Variants in PSMC3IP observed in about 807,000 individuals in gnomAD.
The protein encoded by PSMC3IP is homologous-pairing protein 2 homolog.
A neutral mutation model predicts 34.9 loss-of-function variants in PSMC3IP; 26 were observed. The observed-to-expected ratio is 0.74, with a 90% CI of 0.55 to 1.03. PSMC3IP has a LOEUF of 1.03. Among genes scored for constraint, PSMC3IP ranks in the 50% least tolerant of loss-of-function variants. The pLI is 0.00. For missense variants in PSMC3IP, 250 were observed against 263.1 expected (o/e 0.95, Z 0.34); for synonymous variants, 87 against 96.5 (o/e 0.90, Z 0.57).
Position 42,573,248 on chromosome 17 carries a change from A to G in PSMC3IP, c.537+63T>C, listed in dbSNP as rs193113956. On this transcript the variant is annotated intron_variant, in intron 6 of 7. Coordinates refer to ENST00000393795, the MANE Select transcript of PSMC3IP (RefSeq NM_016556.4). ...AGTTTATGATATTGTGTAGCGGCTG[A>G]TCTGGTGCCTGCCATTTTCAAAGGC... 9.2e-5 allele frequency: 148 copies of G among 1,613,966 alleles called. No individual in the cohort carries two copies. The African/African-American group carries it at 1.8e-3, about 19-fold the overall frequency.
intron 3 of PSMC3IP, among the ~76,000 whole-genome samples, chr17:42,574,863 C>T (rs902863275): frequency 6.6e-6 from 1 of 152,194 alleles, no homozygotes; most frequent in Admixed American, 6.5e-5. Flanking sequence ...AAGCGATTCT[C>T]ATGCCTCAGC....
chr17:42,577,717 G>A lies in PSMC3IP; in HGVS notation c.-31C>T. On this transcript the variant is annotated 5_prime_UTR_variant, in exon 1 of 8. Transcript: ENST00000393795. The stretch of plus-strand genomic sequence containing the variant: ...TTCCCGCCACCCAACTCAGAAAGCC[G>A]GACGTTGTAGTTGCTCGGGGCGACG... 1.9e-6 allele frequency: 3 copies of A among 1,613,580 alleles called. No individual in the cohort carries two copies. The highest frequency in any genetic ancestry group is 2.5e-6 in the Non-Finnish European group (3 of 1,179,570).
chr17:42,577,757 CG>C (rs765801167), upstream of PSMC3IP: 1 of 1,587,132 alleles, frequency 6.3e-7, no homozygotes, highest in Non-Finnish European at 8.6e-7. Flanking sequence ...CTTCCGGCGA[CG>C]GGGGCGGGCC....
rs777578702 is a variant in PSMC3IP, at chr17:42,573,139, C to T, written c.565G>A (p.Glu189Lys). Residue 189 changes from glutamate to lysine, a missense_variant, in exon 7 of 8, where the codon GAA (glutamate) becomes AAA (lysine). Glu to Lys is a moderately conservative substitution (Grantham distance 56). Coordinates refer to ENST00000393795, the MANE Select transcript of PSMC3IP (RefSeq NM_016556.4). ...MATELSDAIL[E>K]GYPKSKKQFF... ...TGCTTCTTGCTCTTGGGGTATCCTT[C>T]AAGTATTGCATCAGACAGCTCTGTA... The T allele has an allele frequency of 6.2e-7, 1 of 1,614,240 alleles. No individual in the cohort carries two copies. The highest frequency in any genetic ancestry group is 8.5e-7 in the Non-Finnish European group (1 of 1,180,056).
chr17:42,574,123 G>C lies in PSMC3IP; in HGVS notation c.313C>G (p.Gln105Glu). Residue 105 changes from glutamine to glutamate, a missense_variant, in exon 4 of 8, where the codon CAG (glutamine) becomes GAG (glutamate). Physicochemically the swap from Gln to Glu is conservative, Grantham distance 29 (BLOSUM62 2). Coordinates refer to ENST00000393795, the MANE Select transcript of PSMC3IP (RefSeq NM_016556.4). The stretch of plus-strand genomic sequence containing the variant: ...CCAGCCTCCATGTAGCGGCAGCTCT[G>C]CTGCAAGCTCTGCACCTTAGCAGTG... ...ALTAKVQSLQQSCRYMEAELK... is the reference protein window; with the variant it reads ...ALTAKVQSLQESCRYMEAELK... The C allele has an allele frequency of 6.2e-7, 1 of 1,614,148 alleles. No homozygotes were observed. The highest frequency in any genetic ancestry group is 8.5e-7 in the Non-Finnish European group (1 of 1,180,034).
upstream of PSMC3IP, chr17:42,577,731 C>G (rs2093086058): frequency 6.2e-7 from 1 of 1,611,690 alleles, no homozygotes; most frequent in South Asian, 1.1e-5. Context: ...GTTGTAGTTG[C>G]TCGGGGCGAC....
At chr17:42,575,058 G>T (rs1416929891) in intron 3 of PSMC3IP, among the ~76,000 whole-genome samples, 1 of 152,122 alleles carries the variant, frequency 6.6e-6, no homozygotes, top group Non-Finnish European at 1.5e-5. Context: ...TGGGTCTTGG[G>T]ATCCATGTAG....
intron 3 of PSMC3IP, among the ~76,000 whole-genome samples, chr17:42,575,146 G>A (rs1162526411): frequency 6.6e-6 from 1 of 152,204 alleles, no homozygotes; most frequent in Non-Finnish European, 1.5e-5. Flanking sequence ...GGGGATCAGT[G>A]TGGGGGTGGG....
chr17:42,572,785 C>T lies in PSMC3IP; in HGVS notation c.*183G>A. The T allele has an allele frequency of 1.3e-6, 1 of 742,066 alleles. No individual in the cohort carries two copies. Among genetic ancestry groups the T allele is most frequent in the Non-Finnish European group, 2.4e-6 (1 of 422,718 alleles). 46.0% of individuals were successfully genotyped at this position (742,066 alleles called of 1,614,324 possible). On this transcript the variant is annotated 3_prime_UTR_variant, in exon 8 of 8. Coordinates refer to ENST00000393795, the MANE Select transcript of PSMC3IP (RefSeq NM_016556.4). ...ACAATGAAATGGGCTGGGTCTACCC[C>T]CAGCCACCAGCCCTCATCCTCTCTA... is the stretch of plus-strand genomic sequence containing the variant.
At position 42,572,717 on chromosome 17, in the gene PSMC3IP, T is replaced by G; in HGVS notation, c.*251A>C. The G allele has an allele frequency of 1.7e-6, 1 of 602,894 alleles. No individual in the cohort carries two copies. The highest frequency in any genetic ancestry group is 3.1e-6 in the Non-Finnish European group (1 of 324,140). The allele number at this position is 602,894 out of a possible 1,614,324, so 37.3% of individuals were successfully genotyped here. ...TATTGCCAAATGCTTTCCTTTAGCA[T>G]TGTTCCAAGTCTAAATGTTAACCTC... On this transcript the variant is annotated 3_prime_UTR_variant, in exon 8 of 8. Coordinates refer to ENST00000393795, the MANE Select transcript of PSMC3IP (RefSeq NM_016556.4).
rs1047201115 is a variant in PSMC3IP, at chr17:42,574,132, T to G, written c.304A>C (p.Ser102Arg). 15 of 1,614,018 alleles carry G rather than the reference T, an allele frequency of 9.3e-6. No individual in the cohort carries two copies. The highest frequency in any genetic ancestry group is 1.1e-5 in the Non-Finnish European group (13 of 1,180,038). Residue 102 changes from serine (S) to arginine (R), a missense_variant, in exon 4 of 8, where the codon AGC (serine) becomes CGC (arginine). Coordinates refer to ENST00000393795, the MANE Select transcript of PSMC3IP (RefSeq NM_016556.4). ...KIVALTAKVQ[S>R]LQQSCRYMEA... ...ATGTAGCGGCAGCTCTGCTGCAAGC[T>G]CTGCACCTTAGCAGTGAGGGCCACG...
Position 42,573,659 on chromosome 17 carries a change from C to A in PSMC3IP, c.338-36G>T. On this transcript the variant is annotated intron_variant, in intron 4 of 7. Coordinates refer to ENST00000393795, the MANE Select transcript of PSMC3IP (RefSeq NM_016556.4). The stretch of plus-strand genomic sequence containing the variant: ...ATCCGCCTGGGGTCACTTGCTACCC[C>A]TGAGGAAGGAGTTCTGTCTTTCCCA... 3 of 1,610,504 alleles carry A rather than the reference C, an allele frequency of 1.9e-6. No homozygotes were observed. In the South Asian group the frequency reaches 3.3e-5, roughly 18 times the overall value.
At chr17:42,574,019 T>C in intron 4 of PSMC3IP, 80 bp downstream of exon 4, 2 of 1,582,426 alleles carry the variant, frequency 1.3e-6, no homozygotes, top group South Asian at 1.1e-5. Context: ...CTGCAGTCAT[T>C]GAACCATTCA....
At chr17:42,575,681 C>T (rs2093070621) in intron 3 of PSMC3IP, among the ~76,000 whole-genome samples, 1 of 151,866 alleles carries the variant, frequency 6.6e-6, no homozygotes, top group South Asian at 2.1e-4. Context: ...ATAAAGGAGA[C>T]AAGTAAAAAT....
chr17:42,576,248 A>C (rs1290584053), intron 3 of PSMC3IP, among the ~76,000 whole-genome samples: 3 of 152,184 alleles, frequency 2.0e-5, no homozygotes, highest in Non-Finnish European at 2.9e-5. Context: ...AAAAATAATG[A>C]GGATTGGTGA....
upstream of PSMC3IP, chr17:42,577,806 G>T (rs760718172): frequency 6.4e-6 from 8 of 1,240,468 alleles, no homozygotes; most frequent in Non-Finnish European, 9.4e-6. Flanking sequence ...CCTTCCGGAG[G>T]AGCAAAGCGA....
intron 3 of PSMC3IP, 91 bp from the exon 4 acceptor site, chr17:42,574,301 A>C: frequency 1.9e-6 from 3 of 1,548,608 alleles, no homozygotes; most frequent in Admixed American, 2.0e-5. Context: ...GGATATGCTC[A>C]GGAACCAGCC....
chr17:42,572,956 AC>A lies in PSMC3IP; in HGVS notation c.*11del. The A allele has an allele frequency of 6.2e-7, 1 of 1,613,752 alleles. No homozygotes were observed. On this transcript the variant is annotated 3_prime_UTR_variant, in exon 8 of 8. Transcript: ENST00000393795. The stretch of plus-strand genomic sequence containing the variant: ...CATCCTGCAGTCCCCACCAGTCCTG[AC>A]CGTGGGCCCCTCAGGGGTCTGGGAG...
rs576887152 is a variant in PSMC3IP at position 42,573,465 on chromosome 17, C to G, written c.483+13G>C. 6.2e-7 allele frequency: 1 copy of G among 1,614,134 alleles called. No homozygotes were observed. Among genetic ancestry groups the G allele is most frequent in the African/African-American group, 1.3e-5 (1 of 74,938 alleles). ...CTGGACCTGCACAGCGGTCCTACAG[C>G]CTTCCAGCTCACCTGCTCTTTCTCT... is the stretch of plus-strand genomic sequence containing the variant. On this transcript the variant is annotated intron_variant, in intron 5 of 7. Coordinates refer to ENST00000393795, the MANE Select transcript of PSMC3IP (RefSeq NM_016556.4).
Sources: allele counts gnomAD v4.1 joint callset (sites outside exome capture counted in the v4.1 genomes callset), GRCh38; gene constraint gnomAD v4.1.1; transcripts MANE v1.5; gene names NCBI Gene and HGNC (gene_info 2026-07-23, HGNC 2026-07-21).